The following TULP4 variants were observed in gnomAD, a reference collection of about 807,000 sequenced individuals.
The protein encoded by TULP4 is tubby-related protein 4.
A neutral mutation model predicts 129.0 loss-of-function variants in TULP4; 16 were observed. That is an observed-to-expected ratio of 0.12 (90% CI 0.08 to 0.19). The LOEUF is 0.19. Ranked by LOEUF, TULP4 falls within the 10% of genes least tolerant of loss-of-function variation. The pLI is 1.00. For missense variants in TULP4, 1,842 were observed against 2,059.1 expected (o/e 0.89, Z 2.04); for synonymous variants, 998 against 854.0 (o/e 1.17, Z -2.94).
At chr6:158,349,836 G>A (rs1353580161) in intron 1 of TULP4, among the ~76,000 whole-genome samples, 11 of 141,312 alleles carry the variant, frequency 7.8e-5, no homozygotes, top group South Asian at 4.6e-4. Context: ...TGGGGCGGCC[G>A]GGCAGAGGCG....
At chr6:158,391,165 A>T (rs931233415) in intron 1 of TULP4, among the ~76,000 whole-genome samples, 6 of 152,168 alleles carry the variant, frequency 3.9e-5, no homozygotes, top group Non-Finnish European at 8.8e-5. Context: ...TGTCATAAGG[A>T]TTTCTTTCTT....
At position 158,509,523 on chromosome 6, in the gene TULP4, G is replaced by A. The variant is rs1403212917; in HGVS notation, c.*2829G>A. 6.6e-6 allele frequency: 1 copy of A among 152,130 alleles called. No individual in the cohort carries two copies. Among genetic ancestry groups the A allele is most frequent in the Non-Finnish European group, 1.5e-5 (1 of 68,018 alleles). The allele number at this position is 152,130 out of a possible 1,614,324, so 9.4% of individuals were successfully genotyped here. A position where few individuals can be genotyped will look rare whatever the true frequency, so the allele number is the denominator to read the frequency against. On this transcript the variant is annotated 3_prime_UTR_variant, in exon 14 of 14. Transcript: ENST00000367097. ...CCATTTTAGAACCTGTTTAATAAGA[G>A]CAAATATAGGGGAAAATCTTTGAAA...
intron 3 of TULP4, among the ~76,000 whole-genome samples, chr6:158,437,557 C>A (rs1778779045): frequency 6.6e-6 from 1 of 151,658 alleles, no homozygotes; most frequent in Non-Finnish European, 1.5e-5. Context: ...AAGATCCGGT[C>A]TCAAATAAAA....
chr6:158,401,808 CTT>C (rs555418286), intron 1 of TULP4, among the ~76,000 whole-genome samples: 1 of 147,140 alleles, frequency 6.8e-6, no homozygotes, highest in African/African-American at 2.5e-5. Flanking sequence ...CACCTCCTCA[CTT>C]TTTTTTTTTC....
At chr6:158,328,002 T>A (rs1779783144) in intron 1 of TULP4, among the ~76,000 whole-genome samples, 1 of 151,986 alleles carries the variant, frequency 6.6e-6, no homozygotes, top group Admixed American at 6.6e-5. Flanking sequence ...TTCTCCGTAG[T>A]GGTCCAGTTT....
At chr6:158,299,096 G>T (rs1779090222) in intron 1 of TULP4, among the ~76,000 whole-genome samples, 1 of 151,826 alleles carries the variant, frequency 6.6e-6, no homozygotes, top group Non-Finnish European at 1.5e-5. Context: ...AGTTCTGGGT[G>T]TTCTGGGCTC....
chr6:158,431,804 T>C (rs1318551444), intron 3 of TULP4, among the ~76,000 whole-genome samples: 1 of 151,898 alleles, frequency 6.6e-6, no homozygotes, highest in Non-Finnish European at 1.5e-5. Flanking sequence ...ACAATGGCCA[T>C]GGGAAGCATG....
At chr6:158,265,505 C>A (rs1778430320) in intron 1 of TULP4, among the ~76,000 whole-genome samples, 1 of 151,646 alleles carries the variant, frequency 6.6e-6, no homozygotes, top group Admixed American at 6.6e-5. Flanking sequence ...CATGGTGAAA[C>A]CCCCGTCCCT....
chr6:158,445,583 T>C lies in TULP4; in HGVS notation c.544-3413T>C, dbSNP rs149309300. 6.7e-4 allele frequency among the ~76,000 whole-genome samples: 102 copies of C among 152,242 alleles called. 1 individual carries two copies. The highest frequency in any genetic ancestry group is 2.2e-3 in the African/African-American group (91 of 41,540). ...AAAACCAGAACCAAGTTCAGAATGC[T>C]GTGGGGGCCGTGGTTAGAGCAAGAT... On this transcript the variant is annotated intron_variant, in intron 3 of 13. Coordinates refer to ENST00000367097, the MANE Select transcript of TULP4 (RefSeq NM_020245.5).
At chr6:158,470,164 A>G (rs148402930) in intron 6 of TULP4, among the ~76,000 whole-genome samples, 13 of 152,362 alleles carry the variant, frequency 8.5e-5, no homozygotes, top group South Asian at 2.1e-4. Flanking sequence ...GGGAGCGGCA[A>G]TGGGCACCTC....
intron 1 of TULP4, among the ~76,000 whole-genome samples, chr6:158,383,483 C>T (rs781323746): frequency 7.2e-5 from 11 of 152,132 alleles, no homozygotes; most frequent in African/African-American, 1.4e-4. Context: ...TTACATCATT[C>T]GAGTTGAGGT....
chr6:158,255,900 A>T (rs554640044), intron 1 of TULP4, among the ~76,000 whole-genome samples: 1 of 152,268 alleles, frequency 6.6e-6, no homozygotes, highest in Non-Finnish European at 1.5e-5. Flanking sequence ...TCAGAAGGTC[A>T]GAGGTGGCTT....
intron 1 of TULP4, among the ~76,000 whole-genome samples, chr6:158,317,843 C>T (rs879213956): frequency 6.6e-6 from 1 of 152,142 alleles, no homozygotes; most frequent in Admixed American, 6.5e-5. Context: ...TTTTAATGAT[C>T]ACCATTCTAA....
intron 7 of TULP4, 142 bp downstream of exon 7, chr6:158,480,117 G>A: frequency 1.5e-6 from 1 of 649,492 alleles, no homozygotes; most frequent in Non-Finnish European, 2.6e-6. Flanking sequence ...GTGCTGCCAG[G>A]TCTGCAGTCT....
Position 158,511,169 on chromosome 6 carries a change from C to T in TULP4, c.*4475C>T, listed in dbSNP as rs901801188. 6.6e-6 allele frequency: 1 copy of T among 152,310 alleles called. No homozygotes were observed. The highest frequency in any genetic ancestry group is 6.6e-5 in the Admixed American group (1 of 15,252). 9.4% of individuals were successfully genotyped at this position (152,310 alleles called of 1,614,324 possible). On this transcript the variant is annotated 3_prime_UTR_variant, in exon 14 of 14. Transcript: ENST00000367097. The stretch of plus-strand genomic sequence containing the variant: ...GTACCTATATTTTCTGTTTACAGTT[C>T]TTTTTAAGGGGAGGGGTAGGGTTCT...
chr6:158,324,065 A>C (rs941589321), intron 1 of TULP4, among the ~76,000 whole-genome samples: 1 of 152,168 alleles, frequency 6.6e-6, no homozygotes, highest in Non-Finnish European at 1.5e-5. Context: ...GTGGAAACTT[A>C]CCTAGTTTTT....
intron 3 of TULP4, among the ~76,000 whole-genome samples, chr6:158,448,317 G>A (rs750246532): frequency 6.6e-6 from 1 of 152,148 alleles, no homozygotes; most frequent in Non-Finnish European, 1.5e-5. Flanking sequence ...CAAAACTAGC[G>A]CCTAACTCAT....
chr6:158,465,567 G>C (rs1363407503), intron 6 of TULP4, among the ~76,000 whole-genome samples: 1 of 152,172 alleles, frequency 6.6e-6, no homozygotes, highest in Non-Finnish European at 1.5e-5. Context: ...GTGAGGAACT[G>C]CCGTACTGTT....
rs553991751 is a variant in TULP4 at position 158,321,046 on chromosome 6, A to G, written c.252+6778A>G. On this transcript the variant is annotated intron_variant, in intron 1 of 13. Transcript: ENST00000367097. ...TGTTTAGAATATCAATTATTTATTT[A>G]TTTTTTAAAAAAATTTTCTTTAACT... 9.2e-5 allele frequency among the ~76,000 whole-genome samples: 14 copies of G among 152,158 alleles called. No individual in the cohort carries two copies. The East Asian group carries it at 1.2e-3, about 13-fold the overall frequency.
Sources: allele counts gnomAD v4.1 joint callset (sites outside exome capture counted in the v4.1 genomes callset), GRCh38; gene constraint gnomAD v4.1.1; transcripts MANE v1.5; gene names NCBI Gene and HGNC (gene_info 2026-07-23, HGNC 2026-07-21).